The following MYH6 variants were observed in gnomAD, a reference collection of about 807,000 sequenced individuals.
MYH6 encodes myosin-6.
MYH6 carries 126 observed loss-of-function variants against 223.2 expected under a neutral mutation model. The ratio of observed to expected loss-of-function variants is 0.56; its 90% CI spans 0.49 to 0.65. The LOEUF (loss-of-function observed/expected upper bound fraction) is 0.65. Among genes scored for constraint, MYH6 ranks in the 30% least tolerant of loss-of-function variants. The pLI is 0.00. For synonymous variants in MYH6, 978 were observed against 1,010.2 expected (o/e 0.97, Z 0.61); for missense variants, 2,040 against 2,536.4 (o/e 0.80, Z 4.20).
intron 32 of MYH6, 42 bp from the exon 33 acceptor site, chr14:23,386,665 G>A: frequency 6.3e-7 from 1 of 1,577,256 alleles, no homozygotes; most frequent in Non-Finnish European, 8.6e-7. Context: ...AGGGCACAGG[G>A]CAGGGTTGAG....
At position 23,407,270 on chromosome 14, in the gene MYH6, G is replaced by A; in HGVS notation, c.-13-34C>T. 1 of 1,611,246 alleles carries A rather than the reference G, an allele frequency of 6.2e-7. No individual in the cohort carries two copies. On this transcript the variant is annotated intron_variant, in intron 2 of 38. Coordinates refer to ENST00000405093, the MANE Select transcript of MYH6 (RefSeq NM_002471.4). The surrounding 1 kb of genome is among the most constrained non-coding windows in gnomAD (Gnocchi z 5.6). Reference sequence around the variant, plus strand: ...GAGACAGGAGGGCTATGTTACTCCTGAGGGAGCCCAGGCTCCAGCGAGTGG... The same window carrying A: ...GAGACAGGAGGGCTATGTTACTCCTAAGGGAGCCCAGGCTCCAGCGAGTGG...
chr14:23,402,529 T>C lies in MYH6; in HGVS notation c.1076A>G (p.His359Arg), dbSNP rs867092195. 2 of 1,613,870 alleles carry C rather than the reference T, an allele frequency of 1.2e-6. No individual in the cohort carries two copies. Among genetic ancestry groups the C allele is most frequent in the Middle Eastern group, 3.3e-4 (2 of 6,056 alleles). The change falls in exon 12 of 39, where the codon CAC (histidine) becomes CGC (arginine). Residue 359 changes from histidine to arginine, a missense_variant. Transcript: ENST00000405093. ...CTGCTTGAACTTCATGTTCCCGTAG[T>C]GCATGATGGCTCCCGTCAGCTTGTA... The part of the protein sequence containing the change: ...GVYKLTGAIM[H>R]YGNMKFKQKQ...
chr14:23,393,342 A>C lies in MYH6; in HGVS notation c.3105T>G (p.Asp1035Glu), dbSNP rs756325929. The C allele has an allele frequency of 6.2e-7, 1 of 1,614,182 alleles. No homozygotes were observed. The highest frequency in any genetic ancestry group is 8.5e-7 in the Non-Finnish European group (1 of 1,180,018). ...CAGGAGCATGGTTCTTACTACTCAC[A>C]TCATCCACCTGCTGCTCCAGCTTGA... ...SKVKLEQQVD[D>E]LEGSLEQEKK... The change falls in exon 23 of 39, where the codon GAT becomes GAG. Residue 1035 changes from aspartate to glutamate, a missense_variant and splice_region_variant. Asp to Glu is a conservative substitution (Grantham distance 45, BLOSUM62 2). Transcript: ENST00000405093.
intron 25 of MYH6, among the ~76,000 whole-genome samples, chr14:23,391,919 C>T (rs1170391440): frequency 6.6e-6 from 1 of 152,172 alleles, no homozygotes; most frequent in African/African-American, 2.4e-5. Context: ...GGCTGGCTGA[C>T]TTCTCTAAAT....
chr14:23,384,929 T>C lies in MYH6; in HGVS notation c.5276A>G (p.Lys1759Arg). The C allele has an allele frequency of 6.2e-7, 1 of 1,614,202 alleles. No homozygotes were observed. The highest frequency in any genetic ancestry group is 1.7e-5 in the Admixed American group (1 of 60,036). The change falls in exon 35 of 39, where the codon AAG becomes AGG. Residue 1759 changes from lysine to arginine, a missense_variant. Coordinates refer to ENST00000405093, the MANE Select transcript of MYH6 (RefSeq NM_002471.4). The part of the protein sequence containing the change: ...ECRNAEEKAK[K>R]AITDAAMMAE... The stretch of plus-strand genomic sequence containing the variant: ...GCGGTCACTTACATCCGTGATGGCC[T>C]TCTTGGCCTTCTCCTCGGCGTTTCT...
At chr14:23,389,250 C>A in intron 28 of MYH6, 143 bp downstream of exon 28, 1 of 1,166,592 alleles carries the variant, frequency 8.6e-7, no homozygotes, top group Non-Finnish European at 1.2e-6. Flanking sequence ...CATTAAATGA[C>A]GCTTAGCTGC....
Position 23,385,035 on chromosome 14 carries a change from T to C in MYH6, c.5170A>G (p.Ser1724Gly). ...RVQLLHSQNT[S>G]LINQKKKMES... is the part of the protein sequence containing the mutation. The stretch of plus-strand genomic sequence containing the variant: ...ATCTTCTTCTTCTGGTTGATGAGGC[T>C]GGTGTTCTAGACATGGAGAGAGAAA... Residue 1724 changes from serine to glycine, a missense_variant, in exon 35 of 39, where the codon AGC (serine) becomes GGC (glycine). Ser to Gly is a moderately conservative substitution (Grantham distance 56, BLOSUM62 0). Around this residue, in one of 4 missense-constraint regions of MYH6, gnomAD observed 1,203 missense variants for 1,400.2 expected, o/e 0.86. Transcript: ENST00000405093. 6.2e-7 allele frequency: 1 copy of C among 1,614,222 alleles called. No individual in the cohort carries two copies. The highest frequency in any genetic ancestry group is 2.2e-5 in the East Asian group (1 of 44,870).
Position 23,384,495 on chromosome 14 carries a change from A to T in MYH6, c.5512T>A (p.Ser1838Thr), listed in dbSNP as rs1240851229. The change falls in exon 36 of 39, where the codon TCG becomes ACG. Residue 1838 changes from serine to threonine, a missense_variant. Ser to Thr is a moderately conservative substitution (Grantham distance 58). Coordinates refer to ENST00000405093, the MANE Select transcript of MYH6 (RefSeq NM_002471.4). Reference sequence around the variant, plus strand: ...TCGCTCTTCCTCATGCCCTTCACCGACTCTGCGTTGCGCTTCTGCTCGGCC... The same window carrying T: ...TCGCTCTTCCTCATGCCCTTCACCGTCTCTGCGTTGCGCTTCTGCTCGGCC... ...LEAEQKRNAESVKGMRKSERR... is the reference protein window; with the variant it reads ...LEAEQKRNAETVKGMRKSERR... 6.2e-6 allele frequency: 10 copies of T among 1,612,714 alleles called. No homozygotes were observed. In the Admixed American group the frequency reaches 1.3e-4, roughly 21 times the overall value.
intron 25 of MYH6, 25 bp from the exon 26 acceptor site, chr14:23,390,471 A>G: frequency 1.2e-6 from 2 of 1,609,966 alleles, no homozygotes; most frequent in East Asian, 2.2e-5. Flanking sequence ...AAGGGCTCAG[A>G]CCCACCGCCT....
In MYH6 at chr14:23,407,894, A is replaced by G. The variant is rs1262788777; in HGVS notation, c.-46-286T>C. On this transcript the variant is annotated intron_variant, in intron 1 of 38. Coordinates refer to ENST00000405093, the MANE Select transcript of MYH6 (RefSeq NM_002471.4). This position sits in a 1 kb window ranked among gnomAD's most constrained non-coding sequence, Gnocchi z 5.6. Reference sequence around the variant, plus strand: ...CAAGAAGGAAGGACAAGGGAGAGAGACAAAGAAGCATGATTGTGACAAGTG... The same window carrying G: ...CAAGAAGGAAGGACAAGGGAGAGAGGCAAAGAAGCATGATTGTGACAAGTG... Among the ~76,000 whole-genome samples, 2 of 152,160 alleles carry G rather than the reference A, an allele frequency of 1.3e-5. No homozygotes were observed. The highest frequency in any genetic ancestry group is 4.8e-5 in the African/African-American group (2 of 41,430).
Position 23,402,606 on chromosome 14 carries a change from G to C in MYH6, c.1003-4C>G, listed in dbSNP as rs758758713. On this transcript the variant is annotated splice_region_variant and splice_polypyrimidine_tract_variant and intron_variant, in intron 11 of 38. Coordinates refer to ENST00000405093, the MANE Select transcript of MYH6 (RefSeq NM_002471.4). ...AGCCCAGCACGTCAAAGGCACTCTG[G>C]GACAGAGCGAGAGACAAAGAGGGGG... 2 of 1,613,696 alleles carry C rather than the reference G, an allele frequency of 1.2e-6. No homozygotes were observed. The highest frequency in any genetic ancestry group is 1.7e-6 in the Non-Finnish European group (2 of 1,179,950).
rs755556624 is a variant in MYH6, at chr14:23,386,351, G to A, written c.4923C>T (p.Ala1641=). ...LSHANRMAAE[A]QKQVKSLQSL... is the part of the protein sequence containing the mutation. ...TCTGGAGGCTCTTGACTTGCTTCTG[G>A]GCCTCGGCAGCCATGCGGTTGGCGT... Residue 1641 remains alanine, a synonymous_variant, in exon 33 of 39, where the codon GCC becomes GCT. Transcript: ENST00000405093. 6.2e-7 allele frequency: 1 copy of A among 1,614,078 alleles called. No individual in the cohort carries two copies. Among genetic ancestry groups the A allele is most frequent in the East Asian group, 2.2e-5 (1 of 44,868 alleles).
intron 10 of MYH6, 24 bp downstream of exon 10, chr14:23,403,324 G>A: frequency 6.3e-7 from 1 of 1,592,852 alleles, no homozygotes; most frequent in South Asian, 1.1e-5. Context: ...ACAGCAGTGG[G>A]TGGGGGGTGG....
In MYH6 at chr14:23,389,592, C is replaced by A. The variant is rs1481854092; in HGVS notation, c.3859+1G>T. 3.1e-6 allele frequency: 5 copies of A among 1,614,238 alleles called. No individual in the cohort carries two copies. The highest frequency in any genetic ancestry group is 1.6e-4 in the Middle Eastern group (1 of 6,062). ...GCAGGGGGTTGGTTAGGGGCACCCACCATTCTCGGTCTGCAGCTTGGCTCG... is the reference window on the plus strand; with the variant it reads ...GCAGGGGGTTGGTTAGGGGCACCCAACATTCTCGGTCTGCAGCTTGGCTCG... On this transcript the variant is annotated splice_donor_variant, in intron 27 of 38. Transcript: ENST00000405093. LOFTEE classifies it high-confidence loss of function.
At chr14:23,382,112 G>A (rs1251839673) in intron 38 of MYH6, 49 bp from the exon 39 acceptor site, 2 of 1,544,444 alleles carry the variant, frequency 1.3e-6, no homozygotes, top group Non-Finnish European at 1.8e-6. Flanking sequence ...AGAGGGAGAA[G>A]TGTGTGGGGA....
At position 23,390,160 on chromosome 14, in the gene MYH6, T is replaced by C. The variant is rs1891188636; in HGVS notation, c.3629A>G (p.Asp1210Gly). Residue 1210 changes from aspartate (D) to glycine (G), a missense_variant, in exon 26 of 39, where the codon GAC becomes GGC. Asp to Gly is a moderately conservative substitution (Grantham distance 94). Coordinates refer to ENST00000405093, the MANE Select transcript of MYH6 (RefSeq NM_002471.4). Reference sequence around the variant, plus strand: ...CTTCTGCTTCACCCGCTGCAGGTTGTCGATCTGCTCGCCCAGCTCGGCCAC... The same window carrying C: ...CTTCTGCTTCACCCGCTGCAGGTTGCCGATCTGCTCGCCCAGCTCGGCCAC... ...DSVAELGEQI[D>G]NLQRVKQKLE... 1 of 1,609,712 alleles carries C rather than the reference T, an allele frequency of 6.2e-7. No homozygotes were observed. The highest frequency in any genetic ancestry group is 1.3e-5 in the African/African-American group (1 of 74,618).
At chr14:23,396,538 A>G in intron 19 of MYH6, 118 bp from the exon 20 acceptor site, 16 of 1,566,098 alleles carry the variant, frequency 1.0e-5, no homozygotes, top group Non-Finnish European at 1.4e-5. Flanking sequence ...AGTAAGAGTA[A>G]AAATTTGACA....
At chr14:23,387,219 C>T (rs1428898493) in intron 32 of MYH6, among the ~76,000 whole-genome samples, 1 of 152,160 alleles carries the variant, frequency 6.6e-6, no homozygotes, top group African/African-American at 2.4e-5. Context: ...TGTGTTCCAA[C>T]TCAGGCCTGT....
rs1473898354 is a variant in MYH6 at position 23,386,355 on chromosome 14, T to G, written c.4919A>C (p.Glu1640Ala). 1 of 1,614,158 alleles carries G rather than the reference T, an allele frequency of 6.2e-7. No homozygotes were observed. The change falls in exon 33 of 39, where the codon GAG becomes GCG. Residue 1640 changes from glutamate (E) to alanine (A), a missense_variant. Physicochemically the swap from Glu to Ala is moderately radical, Grantham distance 107. Coordinates refer to ENST00000405093, the MANE Select transcript of MYH6 (RefSeq NM_002471.4). The stretch of plus-strand genomic sequence containing the variant: ...GAGGCTCTTGACTTGCTTCTGGGCC[T>G]CGGCAGCCATGCGGTTGGCGTGGCT... ...QLSHANRMAA[E>A]AQKQVKSLQS...
Sources: allele counts gnomAD v4.1 joint callset (sites outside exome capture counted in the v4.1 genomes callset), GRCh38; gene constraint gnomAD v4.1.1; regional missense constraint gnomAD v4.1.1; non-coding constraint Gnocchi (gnomAD v3.1); transcripts MANE v1.5; gene names NCBI Gene and HGNC (gene_info 2026-07-23, HGNC 2026-07-21).